CDK14: variants seen among roughly 807,000 people sequenced by gnomAD.
CDK14 encodes cyclin dependent kinase 14, also known as cyclin-dependent kinase 14.
Under a neutral mutation model 60.7 loss-of-function variants are expected in CDK14, and 34 were observed. That is an observed-to-expected ratio of 0.56 (90% confidence interval 0.43 to 0.75). CDK14 has a LOEUF of 0.75. CDK14 is among the 30% of genes least tolerant of loss of function. The pLI is 0.00. For missense variants in CDK14, 482 were observed against 564.1 expected, an observed-to-expected ratio of 0.85 and a Z score of 1.47; for synonymous variants, 197 against 203.7, an observed-to-expected ratio of 0.97 and a Z score of 0.28.
At chr7:90,955,881 A>G in intron 9 of CDK14, 64 bp downstream of exon 9, 1 of 1,575,028 alleles carries the variant, frequency 6.3e-7, no homozygotes, top group Non-Finnish European at 8.7e-7. Context: ...TCAAGCCTAG[A>G]CAAACATCCT....
intron 7 of CDK14, among the ~76,000 whole-genome samples, chr7:90,910,202 A>C (rs977117160): frequency 6.6e-6 from 1 of 152,176 alleles, no homozygotes; most frequent in Non-Finnish European, 1.5e-5. Context: ...AGTATTCTTT[A>C]AAAATTCAGT....
intron 14 of CDK14, among the ~76,000 whole-genome samples, chr7:91,132,836 G>A (rs1800158872): frequency 6.6e-6 from 1 of 152,080 alleles, no homozygotes; most frequent in African/African-American, 2.4e-5. Context: ...TGCTGGAGGA[G>A]GTTGCAAAAG....
chr7:90,607,917 T>C (rs1270114365), intron 2 of CDK14, among the ~76,000 whole-genome samples: 1 of 152,216 alleles, frequency 6.6e-6, no homozygotes, highest in African/African-American at 2.4e-5. Flanking sequence ...TTTCAGTCCT[T>C]TTCCCCTCCC....
intron 11 of CDK14, among the ~76,000 whole-genome samples, chr7:91,050,337 T>A (rs1302637402): frequency 1.3e-5 from 2 of 152,034 alleles, no homozygotes; most frequent in Non-Finnish European, 2.9e-5. Context: ...GGCGATGAAA[T>A]GTACTGTGAA....
intron 5 of CDK14, among the ~76,000 whole-genome samples, chr7:90,852,730 G>A (rs1790689364): frequency 6.6e-6 from 1 of 152,200 alleles, no homozygotes; most frequent in Non-Finnish European, 1.5e-5. Context: ...TTGGGACTCA[G>A]TGTATTAGTG....
intron 10 of CDK14, among the ~76,000 whole-genome samples, chr7:91,037,744 G>A (rs143907293): frequency 1.1e-4 from 16 of 152,094 alleles, no homozygotes; most frequent in African/African-American, 3.9e-4. Flanking sequence ...TTATTTTCTT[G>A]ATGCCTGGCT....
intron 12 of CDK14, among the ~76,000 whole-genome samples, chr7:91,101,272 A>G (rs1470050040): frequency 6.6e-6 from 1 of 152,230 alleles, no homozygotes; most frequent in Non-Finnish European, 1.5e-5. Context: ...AGATGTAAGT[A>G]TCAGAAGTCT....
chr7:91,122,539 A>G (rs1052750696), intron 14 of CDK14, among the ~76,000 whole-genome samples: 1 of 151,994 alleles, frequency 6.6e-6, no homozygotes, highest in Non-Finnish European at 1.5e-5. Context: ...CGCCATCTCA[A>G]CTCTGGAAAC....
In CDK14 at chr7:90,726,704, T is replaced by A. The variant is rs1802644063; in HGVS notation, c.261T>A (p.Ala87=). The A allele has an allele frequency of 6.2e-7, 1 of 1,613,760 alleles. No homozygotes were observed. Residue 87 remains alanine (A), a synonymous_variant, in exon 3 of 15, where the codon GCT becomes GCA. Transcript: ENST00000380050. ...QSTFDPFEKP[A]NQVKRVHSEN... ...CTTTTGACCCATTTGAGAAACCAGC[T>A]AATCAAGTAAAGAGGGTGCATTCTG...
At chr7:91,179,884 A>G (rs1028617316) in intron 14 of CDK14, among the ~76,000 whole-genome samples, 2 of 152,194 alleles carry the variant, frequency 1.3e-5, no homozygotes, top group Non-Finnish European at 1.5e-5. Flanking sequence ...TCATGTACCA[A>G]TATAATTTTA....
chr7:91,054,278 T>G (rs1311273473), intron 11 of CDK14, among the ~76,000 whole-genome samples: 1 of 152,076 alleles, frequency 6.6e-6, no homozygotes, highest in Non-Finnish European at 1.5e-5. Context: ...AAAATGGACT[T>G]TAAAAATTAT....
At chr7:90,812,969 G>A (rs1171524079) in intron 5 of CDK14, among the ~76,000 whole-genome samples, 1 of 152,142 alleles carries the variant, frequency 6.6e-6, no homozygotes, top group Non-Finnish European at 1.5e-5. Flanking sequence ...ATTTACCTAA[G>A]TGTTTCCAGT....
chr7:91,098,945 G>T (rs1431246240), intron 12 of CDK14, among the ~76,000 whole-genome samples: 1 of 152,106 alleles, frequency 6.6e-6, no homozygotes, highest in East Asian at 1.9e-4. Flanking sequence ...TCAGTTCTCA[G>T]TGAAAGGTTT....
intron 10 of CDK14, among the ~76,000 whole-genome samples, chr7:90,999,511 C>T (rs950594219): frequency 5.9e-5 from 9 of 151,976 alleles, no homozygotes; most frequent in Non-Finnish European, 1.0e-4. Context: ...ATCACTTGAA[C>T]CTGGGAGGCG....
intron 14 of CDK14, among the ~76,000 whole-genome samples, chr7:91,192,787 G>A (rs1189731979): frequency 6.6e-6 from 1 of 152,030 alleles, no homozygotes; most frequent in Non-Finnish European, 1.5e-5. Context: ...TAATAGAGAA[G>A]AAAAAGAATG....
chr7:90,705,216 T>G (rs1801871340), intron 2 of CDK14, among the ~76,000 whole-genome samples: 1 of 152,094 alleles, frequency 6.6e-6, no homozygotes, highest in Admixed American at 6.6e-5. Context: ...TAGCTGATTA[T>G]TATAGTTAGA....
At chr7:90,945,686 G>T (rs948851158) in intron 8 of CDK14, among the ~76,000 whole-genome samples, 2 of 152,196 alleles carry the variant, frequency 1.3e-5, no homozygotes, top group African/African-American at 4.8e-5. Context: ...GAGGCCAGGG[G>T]ACAAGGACTT....
chr7:91,122,217 G>A (rs1377798234), intron 14 of CDK14, among the ~76,000 whole-genome samples: 1 of 151,996 alleles, frequency 6.6e-6, no homozygotes, highest in Non-Finnish European at 1.5e-5. Flanking sequence ...ATGTTTTGGT[G>A]ACCCTCTCCT....
intron 5 of CDK14, among the ~76,000 whole-genome samples, chr7:90,794,195 A>G (rs888278965): frequency 2.6e-5 from 4 of 152,176 alleles, no homozygotes; most frequent in African/African-American, 7.2e-5. Flanking sequence ...CAGAGATCAC[A>G]TGCTTCACAA....
Sources: gnomAD v4.1 joint callset for allele counts (sites outside exome capture counted in the v4.1 genomes callset) on GRCh38, gnomAD v4.1.1 for gene constraint, MANE v1.5 for transcripts, NCBI Gene and HGNC (gene_info 2026-07-23, HGNC 2026-07-21) for gene names.